WDR70: variants seen among roughly 807,000 people sequenced by gnomAD.
WDR70 encodes the protein WD repeat domain 70, also known as WD repeat-containing protein 70.
Under a neutral mutation model 88.6 loss-of-function variants are expected in WDR70, and 53 were observed. That is an observed-to-expected ratio of 0.60 (90% CI 0.48 to 0.75). The LOEUF is 0.75. Among genes scored for constraint, WDR70 ranks in the 30% least tolerant of loss-of-function variants. The pLI, the probability that WDR70 is intolerant of heterozygous loss-of-function variation, is 0.00. For synonymous variants in WDR70, 280 were observed against 270.0 expected (o/e 1.04, Z -0.36); for missense variants, 610 against 823.2 (o/e 0.74, Z 3.17).
At chr5:37,553,778 T>C (rs1742214107) in intron 9 of WDR70, among the ~76,000 whole-genome samples, 1 of 152,222 alleles carries the variant, frequency 6.6e-6, no homozygotes, top group Non-Finnish European at 1.5e-5. Context: ...AATATCTAGG[T>C]TTGAATCCAG....
At chr5:37,703,975 CTCAGACAA>C (rs1747244536) in intron 13 of WDR70, among the ~76,000 whole-genome samples, 2 of 152,174 alleles carry the variant, frequency 1.3e-5, no homozygotes, top group Non-Finnish European at 2.9e-5. Context: ...ACTTACGTGA[CTCAGACAA>C]TTGAACAACT....
chr5:37,704,959 G>A (rs1003253227), intron 13 of WDR70, among the ~76,000 whole-genome samples: 4 of 151,980 alleles, frequency 2.6e-5, no homozygotes, highest in African/African-American at 7.3e-5. Context: ...TGAAATACAA[G>A]GTTTAGTTAT....
chr5:37,729,541 G>T (rs6897494), intron 17 of WDR70, among the ~76,000 whole-genome samples: 71,003 of 151,952 alleles, frequency 0.47, 17,051 homozygotes, highest in African/African-American at 0.58. Flanking sequence ...ATTTGTTCAG[G>T]TCTGGCATAT....
intron 9 of WDR70, among the ~76,000 whole-genome samples, chr5:37,541,596 G>C (rs1347844259): frequency 6.6e-6 from 1 of 152,190 alleles, no homozygotes; most frequent in Non-Finnish European, 1.5e-5. Context: ...AGTCAGAAGA[G>C]AGAAGAAATA....
intron 10 of WDR70, among the ~76,000 whole-genome samples, chr5:37,671,700 G>T (rs1467158703): frequency 6.6e-6 from 1 of 152,120 alleles, no homozygotes; most frequent in Admixed American, 6.5e-5. Flanking sequence ...TGCATTGATA[G>T]ATACACTAGA....
chr5:37,630,429 GAGGGAAGA>G (rs1342369887), intron 10 of WDR70, among the ~76,000 whole-genome samples: 24 of 152,312 alleles, frequency 1.6e-4, no homozygotes, highest in African/African-American at 5.8e-4. Flanking sequence ...CATGTCTTGG[GAGGGAAGA>G]GGGCACTGTG....
chr5:37,673,783 A>G (rs930490912), intron 10 of WDR70, among the ~76,000 whole-genome samples: 5 of 151,814 alleles, frequency 3.3e-5, no homozygotes, highest in Non-Finnish European at 7.4e-5. Flanking sequence ...CCCCCTAACA[A>G]CAGGCCCCAG....
At chr5:37,622,658 G>A (rs974195777) in intron 10 of WDR70, among the ~76,000 whole-genome samples, 162 of 151,982 alleles carry the variant, frequency 1.1e-3, no homozygotes, top group Non-Finnish European at 1.7e-3. Context: ...ACCAAACACC[G>A]CATGTTCTCA....
chr5:37,451,533 T>C (rs1738675691), intron 7 of WDR70, among the ~76,000 whole-genome samples: 1 of 152,176 alleles, frequency 6.6e-6, no homozygotes, highest in African/African-American at 2.4e-5. Flanking sequence ...AGCTGCTGTA[T>C]TGGATAGTGC....
chr5:37,502,703 G>C (rs1284411841), intron 8 of WDR70, among the ~76,000 whole-genome samples: 3 of 152,212 alleles, frequency 2.0e-5, no homozygotes, highest in African/African-American at 7.2e-5. Context: ...ATGCTGTACA[G>C]GAAGCATGGC....
At chr5:37,564,461 A>C (rs1742671385) in intron 9 of WDR70, among the ~76,000 whole-genome samples, 1 of 151,970 alleles carries the variant, frequency 6.6e-6, no homozygotes, top group Non-Finnish European at 1.5e-5. Flanking sequence ...GGTTGCAGTG[A>C]GCCGAGATGG....
chr5:37,483,820 G>A (rs1309562465), intron 8 of WDR70, among the ~76,000 whole-genome samples: 3 of 151,368 alleles, frequency 2.0e-5, no homozygotes, highest in Non-Finnish European at 4.4e-5. Context: ...CGGGCAGAGG[G>A]GCTCCTCACT....
At position 37,726,864 on chromosome 5, in the gene WDR70, T is replaced by A; in HGVS notation, c.1715-19T>A. ...ATGCTCATTCAGTTTCTAATTTGGT[T>A]TTTTTTCTTTTGCAATAGGTCGTGG... is the stretch of plus-strand genomic sequence containing the variant. On this transcript the variant is annotated intron_variant, in intron 16 of 17. Coordinates refer to ENST00000265107, the MANE Select transcript of WDR70 (RefSeq NM_018034.4). 6.4e-7 allele frequency: 1 copy of A among 1,574,106 alleles called. No homozygotes were observed. The highest frequency in any genetic ancestry group is 8.6e-7 in the Non-Finnish European group (1 of 1,164,302).
intron 6 of WDR70, among the ~76,000 whole-genome samples, chr5:37,440,352 CTT>C (rs397747138): frequency 4.1e-5 from 6 of 147,382 alleles, no homozygotes; most frequent in Admixed American, 1.4e-4. Flanking sequence ...GAACAAGACA[CTT>C]TTTTTTTTTG....
chr5:37,657,426 T>C (rs1745584611), intron 10 of WDR70, among the ~76,000 whole-genome samples: 1 of 152,188 alleles, frequency 6.6e-6, no homozygotes, highest in Non-Finnish European at 1.5e-5. Context: ...ACCTGAGCTA[T>C]TCCTATTCAG....
At chr5:37,594,552 T>G (rs1439423988) in intron 9 of WDR70, among the ~76,000 whole-genome samples, 2 of 152,234 alleles carry the variant, frequency 1.3e-5, no homozygotes, top group Non-Finnish European at 2.9e-5. Flanking sequence ...TGTAGCCTTG[T>G]AGTATAGTTT....
intron 17 of WDR70, among the ~76,000 whole-genome samples, chr5:37,746,526 C>G (rs1004310018): frequency 2.0e-5 from 3 of 151,918 alleles, no homozygotes; most frequent in Non-Finnish European, 2.9e-5. Context: ...AAACTGCTAG[C>G]TAGACTAATA....
intron 8 of WDR70, among the ~76,000 whole-genome samples, chr5:37,481,336 C>A (rs4388231): frequency 0.41 from 62,969 of 151,736 alleles, 15,150 homozygotes; most frequent in Non-Finnish European, 0.54. Flanking sequence ...GAGGGCCCCC[C>A]CCGCTCCCTG....
chr5:37,652,582 C>G (rs1745439869), intron 10 of WDR70, among the ~76,000 whole-genome samples: 1 of 152,094 alleles, frequency 6.6e-6, no homozygotes, highest in Non-Finnish European at 1.5e-5. Context: ...GCATGGAATC[C>G]TTTTCCATTT....
Sources: gnomAD v4.1 joint callset for allele counts (sites outside exome capture counted in the v4.1 genomes callset) on GRCh38, gnomAD v4.1.1 for gene constraint, MANE v1.5 for transcripts, NCBI Gene and HGNC (gene_info 2026-07-23, HGNC 2026-07-21) for gene names.